The following LHCGR variants were observed in gnomAD, a reference collection of about 807,000 sequenced individuals.
The protein encoded by LHCGR is luteinizing hormone/choriogonadotropin receptor, also known as lutropin-choriogonadotropic hormone receptor.
Under a neutral mutation model 60.7 loss-of-function variants are expected in LHCGR, and 55 were observed. That is an observed-to-expected ratio of 0.91 (90% CI 0.73 to 1.13). The LOEUF (loss-of-function observed/expected upper bound fraction) is 1.13, where lower values mean the gene tolerates loss of function less well. LHCGR is among the 50% of genes most tolerant of loss of function. The probability of loss-of-function intolerance (pLI) is 0.00; values close to 1 mark genes in which losing one functional copy is unlikely to be tolerated. For missense variants in LHCGR, 862 were observed against 836.0 expected, an observed-to-expected ratio of 1.03 and a Z score of -0.38; for synonymous variants, 337 against 316.5, an observed-to-expected ratio of 1.06 and a Z score of -0.69.
chr2:48,713,283 C>G (rs908645332), intron 7 of LHCGR, among the ~76,000 whole-genome samples: 7 of 152,014 alleles, frequency 4.6e-5, no homozygotes, highest in African/African-American at 1.5e-4. Context: ...TTCATGTGCT[C>G]TTAGTTTTTA....
chr2:48,713,896 T>C (rs1267038235), intron 7 of LHCGR, 90 bp downstream of exon 7: 1 of 1,038,998 alleles, frequency 9.6e-7, no homozygotes, highest in African/African-American at 1.6e-5. Context: ...ATTTTTGCCC[T>C]GAGTTAGTTG....
At position 48,687,847 on chromosome 2, in the gene LHCGR, A is replaced by T; in HGVS notation, c.1950T>A (p.Leu650=). ...AAGCTGAAAAATCTTTCCTTCTATA[A>T]AGTTCAGCCCGACGTTTACAGCAGC... is the stretch of plus-strand genomic sequence containing the variant. ...KFGCCKRRAE[L]YRRKDFSAYT... is the part of the protein sequence containing the mutation. Residue 650 remains leucine (L), a synonymous_variant, in exon 11 of 11, where the codon CTT becomes CTA. Transcript: ENST00000294954. 6.2e-7 allele frequency: 1 copy of T among 1,614,140 alleles called. No homozygotes were observed. Among genetic ancestry groups the T allele is most frequent in the Non-Finnish European group, 8.5e-7 (1 of 1,180,026 alleles).
At chr2:48,698,892 A>T in intron 8 of LHCGR, 92 bp from the exon 9 acceptor site, 1 of 1,070,854 alleles carries the variant, frequency 9.3e-7, no homozygotes, top group Non-Finnish European at 1.4e-6. Flanking sequence ...CCCAGGCTGG[A>T]GTGCAGTGGC....
intron 8 of LHCGR, among the ~76,000 whole-genome samples, chr2:48,702,629 A>G (rs964311235): frequency 4.6e-5 from 7 of 152,154 alleles, no homozygotes; most frequent in African/African-American, 1.7e-4. Flanking sequence ...TTCATGGTGT[A>G]TATGTGCCAC....
At chr2:48,751,387 C>G (rs780920506) in intron 1 of LHCGR, among the ~76,000 whole-genome samples, 4 of 152,186 alleles carry the variant, frequency 2.6e-5, no homozygotes, top group Admixed American at 2.0e-4. Context: ...AGCAACGAAT[C>G]TCTAGTTGAT....
At chr2:48,735,594 C>G (rs1391355906) in intron 1 of LHCGR, among the ~76,000 whole-genome samples, 1 of 152,192 alleles carries the variant, frequency 6.6e-6, no homozygotes, top group Non-Finnish European at 1.5e-5. Context: ...GCTAGTATCT[C>G]TTACTGCTTA....
rs896220054 is a variant in LHCGR at position 48,755,576 on chromosome 2, C to T, written c.96G>A (p.Glu32=). 6.5e-7 allele frequency: 1 copy of T among 1,540,218 alleles called. No homozygotes were observed. The highest frequency in any genetic ancestry group is 1.4e-5 in the African/African-American group (1 of 72,914). ...PRALREALCP[E]PCNCVPDGAL... ...CGCCGTCGGGCACGCAGTTGCAGGG[C>T]TCAGGGCAGAGCGCCTCGCGCAGCG... is the stretch of plus-strand genomic sequence containing the variant. Residue 32 remains glutamate (E), a synonymous_variant, in exon 1 of 11, where the codon GAG becomes GAA. Transcript: ENST00000294954.
chr2:48,724,097 G>C (rs865915854), intron 4 of LHCGR, among the ~76,000 whole-genome samples: 2 of 152,134 alleles, frequency 1.3e-5, no homozygotes, highest in African/African-American at 2.4e-5. Context: ...TTTGGAGCAG[G>C]TTTTGATTCA....
chr2:48,711,153 A>T (rs1243278514), intron 7 of LHCGR, among the ~76,000 whole-genome samples: 2 of 152,176 alleles, frequency 1.3e-5, no homozygotes, highest in Non-Finnish European at 2.9e-5. Flanking sequence ...AATCCTTGTC[A>T]TCCTTCAGGC....
rs1572799824 is a variant in LHCGR, at chr2:48,687,399, G to A, written c.*298C>T. 1 of 326,728 alleles carries A rather than the reference G, an allele frequency of 3.1e-6. No homozygotes were observed. The highest frequency in any genetic ancestry group is 2.1e-5 in the African/African-American group (1 of 46,916). The allele number at this position is 326,728 out of a possible 1,614,324, so 20.2% of individuals were successfully genotyped here. ...ATTACGAAAATGAAAAAAAAGATAT[G>A]CAAAATACCTCCTCAGTTTTTTAAA... On this transcript the variant is annotated 3_prime_UTR_variant, in exon 11 of 11. Transcript: ENST00000294954.
At chr2:48,742,869 A>C (rs962859877) in intron 1 of LHCGR, among the ~76,000 whole-genome samples, 1 of 152,200 alleles carries the variant, frequency 6.6e-6, no homozygotes, top group Admixed American at 6.5e-5. Flanking sequence ...ACATAGAGAC[A>C]CAAAAAACCC....
At chr2:48,718,183 G>A (rs560591974) in intron 6 of LHCGR, among the ~76,000 whole-genome samples, 1 of 152,220 alleles carries the variant, frequency 6.6e-6, no homozygotes, top group South Asian at 2.1e-4. Context: ...GCACAAAAAT[G>A]AAGATTTTTC....
At position 48,687,537 on chromosome 2, in the gene LHCGR, G is replaced by C; in HGVS notation, c.*160C>G. On this transcript the variant is annotated 3_prime_UTR_variant, in exon 11 of 11. Transcript: ENST00000294954. ...ACAAATAGTTTTTAGTGTGGCAGTG[G>C]TCATAGACTACACTTTCTACTAGGT... 2 of 624,184 alleles carry C rather than the reference G, an allele frequency of 3.2e-6. No homozygotes were observed. The highest frequency in any genetic ancestry group is 1.8e-5 in the African/African-American group (1 of 54,532). 38.7% of individuals were successfully genotyped at this position (624,184 alleles called of 1,614,324 possible).
chr2:48,708,585 C>T (rs1172448171), intron 8 of LHCGR, among the ~76,000 whole-genome samples: 1 of 151,864 alleles, frequency 6.6e-6, no homozygotes, highest in Non-Finnish European at 1.5e-5. Flanking sequence ...CACACACATA[C>T]ACAATGTACC....
At chr2:48,715,508 G>C (rs1444300235) in intron 6 of LHCGR, among the ~76,000 whole-genome samples, 1 of 152,196 alleles carries the variant, frequency 6.6e-6, no homozygotes, top group East Asian at 1.9e-4. Flanking sequence ...GCTGGAAGCT[G>C]GCCAGGGACA....
chr2:48,739,742 A>G (rs1235917351), intron 1 of LHCGR, among the ~76,000 whole-genome samples: 2 of 152,134 alleles, frequency 1.3e-5, no homozygotes, highest in African/African-American at 2.4e-5. Flanking sequence ...CAGCACACCA[A>G]CATGGCACAT....
chr2:48,745,969 T>C (rs1042331522), intron 1 of LHCGR, among the ~76,000 whole-genome samples: 1 of 152,168 alleles, frequency 6.6e-6, no homozygotes, highest in African/African-American at 2.4e-5. Flanking sequence ...TGAAGTCCCA[T>C]AGTGTGGTAG....
intron 6 of LHCGR, among the ~76,000 whole-genome samples, chr2:48,716,443 G>A (rs1668254591): frequency 6.6e-6 from 1 of 152,090 alleles, no homozygotes; most frequent in Non-Finnish European, 1.5e-5. Context: ...CTCTGGAGGA[G>A]GCAAACAATA....
At chr2:48,750,892 A>G (rs1669927259) in intron 1 of LHCGR, among the ~76,000 whole-genome samples, 1 of 152,252 alleles carries the variant, frequency 6.6e-6, no homozygotes, top group Non-Finnish European at 1.5e-5. Flanking sequence ...GCTCCTGGCC[A>G]GGGATGCTGG....
Sources: gnomAD v4.1 joint callset for allele counts (sites outside exome capture counted in the v4.1 genomes callset) on GRCh38, gnomAD v4.1.1 for gene constraint, MANE v1.5 for transcripts, NCBI Gene and HGNC (gene_info 2026-07-23, HGNC 2026-07-21) for gene names.